The following HRH2 variants were observed in gnomAD, a reference collection of about 807,000 sequenced individuals.
HRH2 encodes histamine receptor H2.
Under a neutral mutation model 20.1 loss-of-function variants are expected in HRH2, and 4 were observed. That is an observed-to-expected ratio of 0.20 (90% confidence interval 0.10 to 0.45). The LOEUF is 0.45. Ranked by LOEUF, HRH2 falls within the 20% of genes least tolerant of loss-of-function variation. The pLI is 0.99. For synonymous variants in HRH2, 197 were observed against 200.7 expected, an observed-to-expected ratio of 0.98 and a Z score of 0.16; for missense variants, 250 against 461.6, an observed-to-expected ratio of 0.54 and a Z score of 4.20.
chr5:175,662,230 C>T (rs1762759244), intron 1 of HRH2, among the ~76,000 whole-genome samples: 1 of 151,972 alleles, frequency 6.6e-6, no homozygotes, highest in Non-Finnish European at 1.5e-5. Context: ...AGGAATTCAC[C>T]AGGTGAGCCA....
chr5:175,704,754 C>T (rs771819665), intron 2 of HRH2, among the ~76,000 whole-genome samples: 5 of 152,116 alleles, frequency 3.3e-5, no homozygotes, highest in South Asian at 2.1e-4. Flanking sequence ...ATAAAATCAA[C>T]GTACATTGTC....
rs1402117846 is a variant in HRH2, at chr5:175,696,357, CT to C, written c.1077-11421del. On this transcript the variant is annotated intron_variant, in intron 2 of 2. Coordinates refer to ENST00000636584, the MANE Select transcript of HRH2 (RefSeq NM_001367711.1). Reference sequence around the variant, plus strand: ...GCAGTGTGGGCCAACTCTGGGCCCCCTCTGAGCTCCGCCTTGTGCCTTATAA... The same window carrying C: ...GCAGTGTGGGCCAACTCTGGGCCCCCCTGAGCTCCGCCTTGTGCCTTATAA... Among the ~76,000 whole-genome samples, 75 of 152,346 alleles carry C rather than the reference CT, an allele frequency of 4.9e-4. 1 individual carries two copies. Among genetic ancestry groups the C allele is most frequent in the African/African-American group, 1.8e-3 (74 of 41,582 alleles).
intron 2 of HRH2, among the ~76,000 whole-genome samples, chr5:175,697,046 C>G (rs1258850938): frequency 2.0e-5 from 3 of 152,198 alleles, no homozygotes; most frequent in Non-Finnish European, 4.4e-5. Flanking sequence ...AAGGCCAGTC[C>G]CCTCTTCTGT....
chr5:175,696,627 AG>A (rs1281323709), intron 2 of HRH2, among the ~76,000 whole-genome samples: 6 of 152,202 alleles, frequency 3.9e-5, no homozygotes, highest in African/African-American at 9.6e-5. Context: ...CAGCAATCCT[AG>A]GTCAGCAGCA....
intron 2 of HRH2, among the ~76,000 whole-genome samples, chr5:175,691,588 G>C (rs1402090657): frequency 1.3e-5 from 2 of 152,274 alleles, no homozygotes; most frequent in East Asian, 3.9e-4. Flanking sequence ...GTACCCTTAA[G>C]AAGGAGCACA....
rs1005230779 is a variant in HRH2 at position 175,687,224 on chromosome 5, G to C, written c.1076+2915G>C. On this transcript the variant is annotated intron_variant, in intron 2 of 2. Coordinates refer to ENST00000636584, the MANE Select transcript of HRH2 (RefSeq NM_001367711.1). This position sits in a 1 kb window ranked among gnomAD's most constrained non-coding sequence, Gnocchi z 5.2. ...AGGGAGCCAAGAACAGCCAGAGGTT[G>C]ATATTCCCACCAAGACTGCCAGGGC... Among the ~76,000 whole-genome samples the C allele has an allele frequency of 6.6e-6, 1 of 152,302 alleles. No homozygotes were observed. The highest frequency in any genetic ancestry group is 1.9e-4 in the East Asian group (1 of 5,168).
intron 2 of HRH2, among the ~76,000 whole-genome samples, chr5:175,702,602 A>G (rs1296989546): frequency 2.4e-5 from 3 of 124,356 alleles, no homozygotes; most frequent in Non-Finnish European, 4.7e-5. Flanking sequence ...CCCAGGCTGG[A>G]GTGCAGTGAC....
chr5:175,696,302 G>C (rs1050718879), intron 2 of HRH2, among the ~76,000 whole-genome samples: 8 of 152,214 alleles, frequency 5.3e-5, no homozygotes, highest in African/African-American at 1.9e-4. Flanking sequence ...TCCAGGACTT[G>C]GGAGACCTGA....
intron 1 of HRH2, among the ~76,000 whole-genome samples, chr5:175,666,429 T>C (rs1388154304): frequency 6.6e-6 from 1 of 152,072 alleles, no homozygotes; most frequent in African/African-American, 2.4e-5. Context: ...AGGCGCAGAT[T>C]CCTTTTTTGG....
intron 2 of HRH2, 31 bp downstream of exon 2, chr5:175,684,340 G>A (rs564435530): frequency 1.3e-6 from 2 of 1,599,336 alleles, no homozygotes; most frequent in East Asian, 2.2e-5. Context: ...TGCACAGGAT[G>A]GGGGCAATGG....
intron 2 of HRH2, among the ~76,000 whole-genome samples, chr5:175,700,293 C>T (rs1408465019): frequency 6.6e-6 from 1 of 152,166 alleles, no homozygotes; most frequent in Non-Finnish European, 1.5e-5. Context: ...CGGAGACAGC[C>T]GGGGAGAAGC....
intron 1 of HRH2, 74 bp from the exon 2 acceptor site, chr5:175,682,631 TAGAA>T (rs1756023264): frequency 6.5e-6 from 1 of 153,300 alleles, no homozygotes; most frequent in Admixed American, 6.5e-5. Flanking sequence ...TGAGATCTAG[TAGAA>T]GGACACATCT....
intron 2 of HRH2, among the ~76,000 whole-genome samples, chr5:175,695,105 A>G (rs1756527930): frequency 6.6e-6 from 1 of 151,942 alleles, no homozygotes; most frequent in South Asian, 2.1e-4. Context: ...TGGACTTTGC[A>G]TTGCAAAGTC....
chr5:175,673,323 G>A (rs4437393), intron 1 of HRH2, among the ~76,000 whole-genome samples: 7,582 of 151,904 alleles, frequency 0.05, 646 homozygotes, highest in African/African-American at 0.17. Flanking sequence ...AGGAAAGATG[G>A]GAATCAAGAA....
intron 1 of HRH2, among the ~76,000 whole-genome samples, chr5:175,665,085 C>T (rs965267072): frequency 5.3e-5 from 8 of 152,266 alleles, no homozygotes; most frequent in East Asian, 1.9e-4. Flanking sequence ...TCTTTTTCTT[C>T]GTCTTGTGCA....
intron 2 of HRH2, among the ~76,000 whole-genome samples, chr5:175,705,491 T>A (rs554909264): frequency 4.9e-4 from 74 of 152,216 alleles, no homozygotes; most frequent in South Asian, 3.7e-3. Flanking sequence ...TACCTTTTTT[T>A]AAAAAATTAT....
chr5:175,678,375 CT>C lies in HRH2; in HGVS notation c.-525-4331del, dbSNP rs202193832. 8.9e-3 allele frequency among the ~76,000 whole-genome samples: 1,363 copies of C among 152,362 alleles called. 19 individuals carry two copies. The highest frequency in any genetic ancestry group is 0.031 in the African/African-American group (1,303 of 41,580). On this transcript the variant is annotated intron_variant, in intron 1 of 2. Coordinates refer to ENST00000636584, the MANE Select transcript of HRH2 (RefSeq NM_001367711.1). ...GCCGGGCACTAAGGCTTTTCCGTCCCTTTACTGCCTTCATTTCACAGCCGTC... is the reference window on the plus strand; with the variant it reads ...GCCGGGCACTAAGGCTTTTCCGTCCCTTACTGCCTTCATTTCACAGCCGTC...
At chr5:175,672,107 C>G (rs1755566986) in intron 1 of HRH2, among the ~76,000 whole-genome samples, 1 of 152,192 alleles carries the variant, frequency 6.6e-6, no homozygotes, top group South Asian at 2.1e-4. Context: ...TTGAAATATT[C>G]TAAGCCCATC....
At chr5:175,697,146 A>AT (rs1482823989) in intron 2 of HRH2, among the ~76,000 whole-genome samples, 1 of 152,022 alleles carries the variant, frequency 6.6e-6, no homozygotes, top group Non-Finnish European at 1.5e-5. Context: ...TGAGTCACAC[A>AT]TTTCGCCTGA....
Sources: gnomAD v4.1 joint callset for allele counts (sites outside exome capture counted in the v4.1 genomes callset) on GRCh38, gnomAD v4.1.1 for gene constraint, Gnocchi (gnomAD v3.1) non-coding constraint, MANE v1.5 for transcripts, NCBI Gene and HGNC (gene_info 2026-07-23, HGNC 2026-07-21) for gene names.